Variants in PKP4 observed in about 807,000 individuals in gnomAD.
PKP4 encodes plakophilin 4.
In PKP4, 90 loss-of-function variants were observed where a neutral mutation model predicts 145.1. That is an observed-to-expected ratio of 0.62 (90% confidence interval 0.52 to 0.74). The LOEUF (loss-of-function observed/expected upper bound fraction) is 0.74. Ranked by LOEUF, PKP4 falls within the 30% of genes least tolerant of loss-of-function variation. PKP4 has a pLI of 0.00. For missense variants in PKP4, 1,340 were observed against 1,482.7 expected (o/e 0.90, Z 1.58); for synonymous variants, 563 against 577.2 (o/e 0.98, Z 0.35).
At chr2:158,631,232 G>A (rs922299629) in intron 7 of PKP4, among the ~76,000 whole-genome samples, 2 of 151,712 alleles carry the variant, frequency 1.3e-5, no homozygotes, top group African/African-American at 2.4e-5. Context: ...GAACCACCGC[G>A]CCCGGCAGAG....
chr2:158,629,773 C>G (rs1438528712), intron 7 of PKP4, among the ~76,000 whole-genome samples: 2 of 152,010 alleles, frequency 1.3e-5, no homozygotes, highest in Non-Finnish European at 2.9e-5. Context: ...TGCAGTGGCG[C>G]GATCTCGGCT....
chr2:158,575,619 A>G (rs1482660315), intron 2 of PKP4, among the ~76,000 whole-genome samples: 1 of 152,166 alleles, frequency 6.6e-6, no homozygotes, highest in Admixed American at 6.5e-5. Context: ...CCAGCCCTCA[A>G]TCCCTAGTAG....
chr2:158,503,827 C>G (rs912583630), intron 1 of PKP4, among the ~76,000 whole-genome samples: 7 of 152,182 alleles, frequency 4.6e-5, no homozygotes, highest in Non-Finnish European at 8.8e-5. Flanking sequence ...ATGTATACCA[C>G]AATCACCTGG....
In PKP4 at chr2:158,625,026, C is replaced by G. The variant is rs1472065944; in HGVS notation, c.752C>G (p.Thr251Ser). ...AGTGGATTTGGCTCTCCGTCAGTGA[C>G]CGACCCCCGACCTCTGAACCCCAGT... ...LGSGFGSPSV[T>S]DPRPLNPSAY... Residue 251 changes from threonine to serine, a missense_variant, in exon 7 of 22, where the codon ACC (threonine) becomes AGC (serine). Transcript: ENST00000389759. The G allele has an allele frequency of 2.5e-6, 4 of 1,614,172 alleles. No homozygotes were observed. The highest frequency in any genetic ancestry group is 3.4e-6 in the Non-Finnish European group (4 of 1,180,034).
At chr2:158,590,036 C>G (rs1231029245) in intron 3 of PKP4, among the ~76,000 whole-genome samples, 2 of 152,070 alleles carry the variant, frequency 1.3e-5, no homozygotes, top group African/African-American at 4.8e-5. Context: ...TTTATATTGT[C>G]TGAATTGTTA....
chr2:158,667,889 A>T (rs1410942430), intron 16 of PKP4, among the ~76,000 whole-genome samples: 3 of 152,156 alleles, frequency 2.0e-5, no homozygotes, highest in Non-Finnish European at 2.9e-5. Context: ...TATTTTTCTT[A>T]CGTCTGTATT....
At chr2:158,509,477 G>C (rs2041302714) in intron 1 of PKP4, among the ~76,000 whole-genome samples, 1 of 152,132 alleles carries the variant, frequency 6.6e-6, no homozygotes, top group African/African-American at 2.4e-5. Context: ...CATTTAATCT[G>C]AACAGGTGAT....
chr2:158,615,005 AT>A (rs2051456862), intron 4 of PKP4, among the ~76,000 whole-genome samples: 2 of 148,386 alleles, frequency 1.3e-5, no homozygotes, highest in African/African-American at 5.0e-5. Context: ...ATCTTAGTAT[AT>A]TTTACAAAAA....
At chr2:158,513,353 G>A (rs2041676284) in intron 1 of PKP4, among the ~76,000 whole-genome samples, 1 of 152,100 alleles carries the variant, frequency 6.6e-6, no homozygotes, top group African/African-American at 2.4e-5. Flanking sequence ...ATCTGCCTGT[G>A]AGGATACTGA....
chr2:158,659,009 G>A (rs924114231), intron 12 of PKP4: 2 of 152,344 alleles, frequency 1.3e-5, no homozygotes, highest in Non-Finnish European at 2.9e-5. Context: ...CTGTAGAATA[G>A]GGATGATAAT....
chr2:158,649,459 A>T (rs1334879849), intron 11 of PKP4, among the ~76,000 whole-genome samples: 1 of 152,234 alleles, frequency 6.6e-6, no homozygotes. Flanking sequence ...ACCATAGAGA[A>T]ATATCCCTGA....
chr2:158,459,267 A>G lies in PKP4; in HGVS notation c.-6+2049A>G, dbSNP rs182354680. Among the ~76,000 whole-genome samples, 885 of 150,214 alleles carry G rather than the reference A, an allele frequency of 5.9e-3. 11 individuals are homozygous for G. The highest frequency in any genetic ancestry group is 0.021 in the African/African-American group (847 of 39,548). ...GTGTTTCTGGGTGTTGAAAAGCATC[A>G]TATGTGTGTTTTTATTTGACACAAT... On this transcript the variant is annotated intron_variant, in intron 1 of 21. Coordinates refer to ENST00000389759, the MANE Select transcript of PKP4 (RefSeq NM_003628.6).
In PKP4 at chr2:158,556,904, G is replaced by A. The variant is rs574803651; in HGVS notation, c.133-20367G>A. Among the ~76,000 whole-genome samples the A allele has an allele frequency of 5.3e-5, 8 of 152,268 alleles. No homozygotes were observed. In the South Asian group the frequency reaches 1.5e-3, roughly 28 times the overall value. ...ACTTAGGCTTATATTATTTTTAAGAGATTATTATCTTGCCCCCTCCACCTT... is the reference window on the plus strand; with the variant it reads ...ACTTAGGCTTATATTATTTTTAAGAAATTATTATCTTGCCCCCTCCACCTT... On this transcript the variant is annotated intron_variant, in intron 2 of 21. Transcript: ENST00000389759.
intron 3 of PKP4, among the ~76,000 whole-genome samples, chr2:158,580,876 C>T (rs2048272839): frequency 6.6e-6 from 1 of 152,208 alleles, no homozygotes. Context: ...TCACCTCCCT[C>T]ATCTGAATTC....
intron 1 of PKP4, among the ~76,000 whole-genome samples, chr2:158,502,087 G>A (rs1019238926): frequency 6.6e-6 from 1 of 152,174 alleles, no homozygotes; most frequent in Non-Finnish European, 1.5e-5. Context: ...ATGAAATCCA[G>A]TTAATTGACT....
At chr2:158,470,982 G>A (rs1691478467) in intron 1 of PKP4, among the ~76,000 whole-genome samples, 1 of 152,094 alleles carries the variant, frequency 6.6e-6, no homozygotes, top group African/African-American at 2.4e-5. Flanking sequence ...TGAGAGTATT[G>A]TTAAGCCATC....
chr2:158,612,366 T>C (rs2051223881), intron 4 of PKP4, among the ~76,000 whole-genome samples: 1 of 152,230 alleles, frequency 6.6e-6, no homozygotes, highest in Non-Finnish European at 1.5e-5. Context: ...CTAAATAGTA[T>C]TCATCGTTTG....
chr2:158,474,333 G>A (rs1048928442), intron 1 of PKP4, among the ~76,000 whole-genome samples: 8 of 152,130 alleles, frequency 5.3e-5, no homozygotes, highest in Admixed American at 3.9e-4. Flanking sequence ...TGCTGTTAAC[G>A]ATATCACTTC....
intron 1 of PKP4, among the ~76,000 whole-genome samples, chr2:158,480,398 A>G (rs1251851934): frequency 6.6e-6 from 1 of 151,952 alleles, no homozygotes; most frequent in Non-Finnish European, 1.5e-5. Context: ...CACCACGCCC[A>G]GCTAATTTTT....
Sources: allele counts gnomAD v4.1 joint callset (sites outside exome capture counted in the v4.1 genomes callset), GRCh38; gene constraint gnomAD v4.1.1; transcripts MANE v1.5; gene names NCBI Gene and HGNC (gene_info 2026-07-23, HGNC 2026-07-21).